Variants in COL21A1 observed in about 807,000 individuals in gnomAD.
COL21A1 encodes collagen type XXI alpha 1 chain, also known as collagen alpha-1(XXI) chain.
A neutral mutation model predicts 137.9 loss-of-function variants in COL21A1; 149 were observed. The observed-to-expected ratio is 1.08, with a 90% CI of 0.95 to 1.24. The LOEUF is 1.24. COL21A1 is among the 50% of genes most tolerant of loss of function. The pLI, the probability that COL21A1 is intolerant of heterozygous loss-of-function variation, is 0.00. For synonymous variants in COL21A1, 456 were observed against 391.5 expected (o/e 1.16, Z -1.95); for missense variants, 1,167 against 1,158.4 (o/e 1.01, Z -0.11).
At chr6:56,100,200 T>C (rs976944420) in intron 17 of COL21A1, among the ~76,000 whole-genome samples, 2 of 152,208 alleles carry the variant, frequency 1.3e-5, no homozygotes, top group African/African-American at 4.8e-5. Context: ...CCATCTCACA[T>C]ATGTGTCTTC....
chr6:56,061,527 G>A, intron 25 of COL21A1, 122 bp downstream of exon 25: 1 of 531,786 alleles, frequency 1.9e-6, no homozygotes, highest in Non-Finnish European at 3.3e-6. Flanking sequence ...TTCTACTGAA[G>A]AAGATGAAAA....
intron 10 of COL21A1, among the ~76,000 whole-genome samples, chr6:56,144,970 G>A (rs868831824): frequency 3.3e-5 from 5 of 152,178 alleles, no homozygotes; most frequent in Admixed American, 2.6e-4. Context: ...AGTCACAGGT[G>A]AAGATTCTGG....
chr6:56,387,387 C>A (rs2094020099), intron 1 of COL21A1, among the ~76,000 whole-genome samples: 1 of 152,118 alleles, frequency 6.6e-6, no homozygotes, highest in Admixed American at 6.5e-5. Context: ...AACCCTTCAG[C>A]AATTGTCCCC....
chr6:56,204,084 G>A (rs542195284), intron 1 of COL21A1, among the ~76,000 whole-genome samples: 1 of 152,010 alleles, frequency 6.6e-6, no homozygotes, highest in Non-Finnish European at 1.5e-5. Context: ...TTTTTTGTTT[G>A]TTTTTGTTTT....
At chr6:56,303,572 C>T (rs1460227036) in intron 1 of COL21A1, among the ~76,000 whole-genome samples, 2 of 152,124 alleles carry the variant, frequency 1.3e-5, no homozygotes, top group Admixed American at 1.3e-4. Flanking sequence ...GATTTTTGTA[C>T]ATTGATTTTG....
At chr6:56,144,357 T>G (rs576527601) in intron 10 of COL21A1, among the ~76,000 whole-genome samples, 1 of 152,222 alleles carries the variant, frequency 6.6e-6, no homozygotes, top group South Asian at 2.1e-4. Flanking sequence ...ACTCAACTGA[T>G]TCAAAGAAAT....
At chr6:56,172,976 A>T (rs1777181183) in intron 3 of COL21A1, among the ~76,000 whole-genome samples, 1 of 152,166 alleles carries the variant, frequency 6.6e-6, no homozygotes, top group African/African-American at 2.4e-5. Context: ...AGTAAAAGAA[A>T]AAAAGAGGGA....
chr6:56,331,983 C>T (rs902437417), intron 1 of COL21A1: 10 of 152,072 alleles, frequency 6.6e-5, no homozygotes, highest in Admixed American at 3.9e-4. Flanking sequence ...ACTAAATATA[C>T]TCATTTATAT....
At chr6:56,099,224 ATTTTTTTTTTTT>A (rs765498868) in intron 17 of COL21A1, among the ~76,000 whole-genome samples, 1 of 111,998 alleles carries the variant, frequency 8.9e-6, no homozygotes, top group African/African-American at 3.8e-5. Flanking sequence ...CACAAACTAA[ATTTTTTTTTTTT>A]TTTTTTTTTT....
chr6:56,222,888 G>A (rs1302994715), intron 1 of COL21A1, among the ~76,000 whole-genome samples: 1 of 152,074 alleles, frequency 6.6e-6, no homozygotes, highest in Non-Finnish European at 1.5e-5. Flanking sequence ...ACAATGGAGG[G>A]TGAGTGGATT....
chr6:56,254,262 A>C (rs1465987884), intron 1 of COL21A1, among the ~76,000 whole-genome samples: 1 of 152,220 alleles, frequency 6.6e-6, no homozygotes, highest in Non-Finnish European at 1.5e-5. Context: ...TCTTCGAGAG[A>C]TGCTTCTTTG....
In COL21A1 at chr6:56,189,123, G is replaced by T. The variant is rs936889480; in HGVS notation, c.-38-6467C>A. On this transcript the variant is annotated intron_variant, in intron 1 of 29. Coordinates refer to ENST00000244728, the MANE Select transcript of COL21A1 (RefSeq NM_030820.4). ...AAACTGCGCAGAGAATGAATTTGAC[G>T]AATTGACAGAAGTAGGCTTCAGAAG... Among the ~76,000 whole-genome samples, 4 of 151,986 alleles carry T rather than the reference G, an allele frequency of 2.6e-5. No individual in the cohort carries two copies. In the South Asian group the frequency reaches 8.3e-4, roughly 32 times the overall value.
intron 1 of COL21A1, among the ~76,000 whole-genome samples, chr6:56,258,548 A>C (rs1177751436): frequency 6.6e-6 from 1 of 152,066 alleles, no homozygotes; most frequent in African/African-American, 2.4e-5. Context: ...TGACAAGATA[A>C]AGATGCTGTC....
intron 17 of COL21A1, among the ~76,000 whole-genome samples, chr6:56,098,779 G>A (rs1428873254): frequency 5.2e-5 from 7 of 135,546 alleles, no homozygotes; most frequent in Admixed American, 8.6e-5. Flanking sequence ...GCAGTAGCGC[G>A]ATCTTGGCTC....
chr6:56,080,252 C>A (rs1404496518), intron 17 of COL21A1, among the ~76,000 whole-genome samples: 2 of 151,704 alleles, frequency 1.3e-5, no homozygotes, highest in African/African-American at 4.8e-5. Context: ...GTGACAATGT[C>A]CAAGTAAAGA....
At chr6:56,331,364 C>T (rs1413141980) in intron 1 of COL21A1, among the ~76,000 whole-genome samples, 1 of 151,626 alleles carries the variant, frequency 6.6e-6, no homozygotes, top group Non-Finnish European at 1.5e-5. Context: ...AGGCCAATGT[C>T]CAGAAGAGTT....
chr6:56,077,703 G>T, intron 17 of COL21A1, 130 bp from the exon 18 acceptor site: 1 of 572,554 alleles, frequency 1.7e-6, no homozygotes, highest in Non-Finnish European at 3.0e-6. Flanking sequence ...TTATAATATT[G>T]CTATTTGTAA....
intron 10 of COL21A1, among the ~76,000 whole-genome samples, chr6:56,147,200 C>T (rs963750248): frequency 2.0e-5 from 3 of 152,074 alleles, no homozygotes; most frequent in African/African-American, 7.2e-5. Flanking sequence ...TTTTCATACT[C>T]AAAGAGAGGC....
At chr6:56,291,205 T>C (rs80014319) in intron 1 of COL21A1, among the ~76,000 whole-genome samples, 9,743 of 152,104 alleles carry the variant, frequency 0.064, 510 homozygotes, top group African/African-American at 0.14. Flanking sequence ...ACTCTAACAA[T>C]ATATTATGGA....
Sources: gnomAD v4.1 joint callset for allele counts (sites outside exome capture counted in the v4.1 genomes callset) on GRCh38, gnomAD v4.1.1 for gene constraint, MANE v1.5 for transcripts, NCBI Gene and HGNC (gene_info 2026-07-23, HGNC 2026-07-21) for gene names.